Variants in NR2F1-AS1 observed in about 807,000 individuals in gnomAD.
The protein encoded by NR2F1-AS1 is NR2F1 antisense RNA 1.
At chr5:93,470,933 TG>T (rs1449780128) in intron 4 of NR2F1-AS1, among the ~76,000 whole-genome samples, 1 of 151,884 alleles carries the variant, frequency 6.6e-6, no homozygotes, top group East Asian at 1.9e-4. Context: ...AAATTAGCCC[TG>T]AAGAGAACTT....
chr5:93,555,769 A>G (rs1473684572), intron 2 of NR2F1-AS1, among the ~76,000 whole-genome samples: 1 of 152,196 alleles, frequency 6.6e-6, no homozygotes, highest in Admixed American at 6.5e-5. Flanking sequence ...ACAATACTAC[A>G]GACACTAATT....
chr5:93,503,686 T>C (rs1751129420), intron 4 of NR2F1-AS1, among the ~76,000 whole-genome samples: 1 of 152,178 alleles, frequency 6.6e-6, no homozygotes, highest in Admixed American at 6.5e-5. Context: ...ATAAGCAGCC[T>C]CTAATAAACA....
chr5:93,585,077 C>T, upstream of NR2F1-AS1: 2 of 1,026,686 alleles, frequency 1.9e-6, no homozygotes, highest in South Asian at 4.1e-5. Context: ...TGGCCGGGGG[C>T]AACCCCGGCG....
chr5:93,569,277 CAA>C (rs1437046771), intron 1 of NR2F1-AS1, among the ~76,000 whole-genome samples: 1 of 152,024 alleles, frequency 6.6e-6, no homozygotes, highest in African/African-American at 2.4e-5. Context: ...GCAATTCGGC[CAA>C]GAGAGGCTTT....
intron 4 of NR2F1-AS1, among the ~76,000 whole-genome samples, chr5:93,508,601 CA>C (rs1194140091): frequency 6.6e-6 from 1 of 151,488 alleles, no homozygotes; most frequent in East Asian, 1.9e-4. Context: ...AGGGAAAGGC[CA>C]AAAATATTTA....
At chr5:93,509,226 G>A (rs1490080787) in intron 4 of NR2F1-AS1, among the ~76,000 whole-genome samples, 1 of 152,082 alleles carries the variant, frequency 6.6e-6, no homozygotes, top group Non-Finnish European at 1.5e-5. Context: ...GCTCCAGAAT[G>A]TGTACAGCAT....
At chr5:93,436,787 C>T (rs556254584) in intron 4 of NR2F1-AS1, among the ~76,000 whole-genome samples, 2 of 152,106 alleles carry the variant, frequency 1.3e-5, no homozygotes, top group South Asian at 2.1e-4. Context: ...TCTACCAACA[C>T]GTAATATATT....
Position 93,574,548 on chromosome 5 carries a change from G to A in NR2F1-AS1, n.313+5919C>T, listed in dbSNP as rs142265999. 2.3e-3 allele frequency among the ~76,000 whole-genome samples: 346 copies of A among 152,190 alleles called. 1 individual carries two copies. The highest frequency in any genetic ancestry group is 7.3e-3 in the African/African-American group (305 of 41,520). Reference sequence around the variant, plus strand: ...AGTTCTGAGCCCTGGGGGAGTGGGGGACAGGTTTCAACTCTGGGAGTGATT... The same window carrying A: ...AGTTCTGAGCCCTGGGGGAGTGGGGAACAGGTTTCAACTCTGGGAGTGATT... On this transcript the variant is annotated intron_variant and non_coding_transcript_variant, in intron 1 of 5. Coordinates refer to ENST00000660523, the Ensembl canonical transcript of NR2F1-AS1.
intron 4 of NR2F1-AS1, among the ~76,000 whole-genome samples, chr5:93,441,625 CA>C (rs1749573211): frequency 2.6e-5 from 4 of 152,172 alleles, no homozygotes; most frequent in Non-Finnish European, 4.4e-5. Flanking sequence ...ATATGGAAAA[CA>C]AAGTTCTTAA....
intron 4 of NR2F1-AS1, among the ~76,000 whole-genome samples, chr5:93,460,767 T>C (rs1750070736): frequency 6.6e-6 from 1 of 151,616 alleles, no homozygotes; most frequent in African/African-American, 2.4e-5. Flanking sequence ...GAAATGAAAA[T>C]CAAAACCACA....
chr5:93,563,303 T>G (rs1160919377), intron 2 of NR2F1-AS1: 2 of 152,234 alleles, frequency 1.3e-5, no homozygotes, highest in Non-Finnish European at 2.9e-5. Flanking sequence ...TATTCTTGTG[T>G]TTCACTAGGG....
chr5:93,460,055 C>T (rs997129032), intron 4 of NR2F1-AS1, among the ~76,000 whole-genome samples: 2 of 152,010 alleles, frequency 1.3e-5, no homozygotes, highest in African/African-American at 2.4e-5. Context: ...TTCAGTCCAT[C>T]GATTTGCAAT....
intron 1 of NR2F1-AS1, among the ~76,000 whole-genome samples, chr5:93,566,829 A>AT (rs1752630162): frequency 6.6e-6 from 1 of 152,044 alleles, no homozygotes; most frequent in Non-Finnish European, 1.5e-5. Flanking sequence ...ACAAATGAAA[A>AT]TTAAACATCT....
chr5:93,480,016 T>G (rs1245033383), intron 4 of NR2F1-AS1, among the ~76,000 whole-genome samples: 1 of 151,550 alleles, frequency 6.6e-6, no homozygotes, highest in African/African-American at 2.4e-5. Flanking sequence ...TGAAGCAAAA[T>G]AAACAGAGTC....
At chr5:93,573,626 A>T (rs1003272324) in intron 1 of NR2F1-AS1, among the ~76,000 whole-genome samples, 1 of 152,224 alleles carries the variant, frequency 6.6e-6, no homozygotes, top group Non-Finnish European at 1.5e-5. Flanking sequence ...TCCAATTAAA[A>T]GATTTCTAAA....
intron 4 of NR2F1-AS1, among the ~76,000 whole-genome samples, chr5:93,545,488 G>A (rs1452820618): frequency 6.6e-6 from 1 of 152,194 alleles, no homozygotes; most frequent in East Asian, 1.9e-4. Flanking sequence ...TGTTTTGGAA[G>A]AGTCACAAAA....
At chr5:93,451,320 G>GAAA (rs35059457) in intron 4 of NR2F1-AS1, among the ~76,000 whole-genome samples, 3 of 78,698 alleles carry the variant, frequency 3.8e-5, no homozygotes, top group Non-Finnish European at 8.7e-5. Context: ...TAGGGTTTTT[G>GAAA]AAAAAAAAAA....
chr5:93,478,363 A>G (rs138855048), intron 4 of NR2F1-AS1, among the ~76,000 whole-genome samples: 188 of 152,310 alleles, frequency 1.2e-3, no homozygotes, highest in African/African-American at 4.3e-3. Flanking sequence ...GCACTTGTAT[A>G]AAAACTTACT....
At chr5:93,482,868 T>C (rs1580264377) in intron 4 of NR2F1-AS1, among the ~76,000 whole-genome samples, 1 of 152,170 alleles carries the variant, frequency 6.6e-6, no homozygotes, top group Admixed American at 6.5e-5. Context: ...CACTGCAGCA[T>C]GGCAAAGCCA....
Sources: gnomAD v4.1 joint callset for allele counts (sites outside exome capture counted in the v4.1 genomes callset) on GRCh38, gnomAD v4.1.1 for gene constraint, MANE v1.5 for transcripts, NCBI Gene and HGNC (gene_info 2026-07-23, HGNC 2026-07-21) for gene names.